MALRD1: variants seen among roughly 807,000 people sequenced by gnomAD.
MALRD1 encodes the protein MAM and LDL-receptor class A domain-containing protein 1.
In MALRD1, 247 loss-of-function variants were observed where a neutral mutation model predicts 242.1. The ratio of observed to expected loss-of-function variants is 1.02; its 90% confidence interval spans 0.92 to 1.13. The LOEUF (loss-of-function observed/expected upper bound fraction) is 1.13. Among genes scored for constraint, MALRD1 ranks in the 50% most tolerant of loss-of-function variants. The pLI, the probability that MALRD1 is intolerant of heterozygous loss-of-function variation, is 0.00. For missense variants in MALRD1, 2,989 were observed against 2,533.1 expected (o/e 1.18, Z -3.86); for synonymous variants, 995 against 866.6 (o/e 1.15, Z -2.60).
In MALRD1 at chr10:19,064,097, C is replaced by T. The variant is rs114497750; in HGVS notation, c.200-2622C>T. Among the ~76,000 whole-genome samples the T allele has an allele frequency of 2.0e-3, 309 of 152,202 alleles. 1 individual carries two copies. Among genetic ancestry groups the T allele is most frequent in the African/African-American group, 6.4e-3 (264 of 41,508 alleles). On this transcript the variant is annotated intron_variant, in intron 1 of 39. Transcript: ENST00000454679. The stretch of plus-strand genomic sequence containing the variant: ...TCAGGAGATAATTGCGGCTTCCAAG[C>T]AACCTTCCAATCCTCCCTCTGACTG...
At chr10:19,255,982 G>T (rs570723917) in intron 18 of MALRD1, among the ~76,000 whole-genome samples, 99 of 152,014 alleles carry the variant, frequency 6.5e-4, no homozygotes, top group African/African-American at 2.0e-3. Context: ...TGGAACAATT[G>T]ACTCCAAACA....
intron 29 of MALRD1, among the ~76,000 whole-genome samples, chr10:19,454,272 C>G (rs1835498860): frequency 6.6e-6 from 1 of 151,382 alleles, no homozygotes; most frequent in African/African-American, 2.4e-5. Context: ...AGTGACAAGA[C>G]TTGTGTATTA....
intron 35 of MALRD1, among the ~76,000 whole-genome samples, chr10:19,608,438 T>C (rs560230970): frequency 2.6e-5 from 4 of 152,208 alleles, no homozygotes; most frequent in Admixed American, 2.6e-4. Flanking sequence ...GTCATTATAC[T>C]TTTATCAAAA....
chr10:19,457,200 C>T (rs2131077352), intron 29 of MALRD1, among the ~76,000 whole-genome samples: 1 of 152,142 alleles, frequency 6.6e-6, no homozygotes, highest in South Asian at 2.1e-4. Flanking sequence ...ATGGAAACAG[C>T]CATATGTAGC....
chr10:19,325,190 T>G lies in MALRD1; in HGVS notation c.3576+1085T>G, dbSNP rs150424903. ...ATCAATGTGGACTCATAAGTTTCTA[T>G]TTTAGTCAATGTATTATAATCTATT... is the stretch of plus-strand genomic sequence containing the variant. On this transcript the variant is annotated intron_variant, in intron 22 of 39. Coordinates refer to ENST00000454679, the MANE Select transcript of MALRD1 (RefSeq NM_001142308.3). Among the ~76,000 whole-genome samples, 4 of 152,054 alleles carry G rather than the reference T, an allele frequency of 2.6e-5. No individual in the cohort carries two copies. The East Asian group carries it at 7.7e-4, about 29-fold the overall frequency.
rs77406643 is a variant in MALRD1, at chr10:19,495,380, T to A, written c.5159-3105T>A. 2.4e-3 allele frequency among the ~76,000 whole-genome samples: 363 copies of A among 151,114 alleles called. 6 individuals carry two copies. In the East Asian group the frequency reaches 0.05, roughly 21 times the overall value. On this transcript the variant is annotated intron_variant, in intron 30 of 39. Transcript: ENST00000454679. The stretch of plus-strand genomic sequence containing the variant: ...AAAGGGAACCTCATCAGACTAATAG[T>A]GAATCTTTCAGCAGTGAATCTTTTA...
At chr10:19,423,104 C>T (rs1833775286) in intron 28 of MALRD1, among the ~76,000 whole-genome samples, 1 of 152,112 alleles carries the variant, frequency 6.6e-6, no homozygotes, top group South Asian at 2.1e-4. Flanking sequence ...TGTGCTAATT[C>T]CAATTTAGCA....
intron 10 of MALRD1, among the ~76,000 whole-genome samples, chr10:19,142,859 C>A (rs1336621935): frequency 4.6e-5 from 7 of 152,152 alleles, no homozygotes; most frequent in African/African-American, 1.7e-4. Context: ...TTGAATTACA[C>A]AGGGGAGATA....
chr10:19,430,841 A>G (rs986728458), intron 28 of MALRD1, among the ~76,000 whole-genome samples: 2 of 152,202 alleles, frequency 1.3e-5, no homozygotes, highest in East Asian at 3.9e-4. Context: ...GTGTAAAACA[A>G]GCATAAATTT....
At chr10:19,294,433 T>C (rs1841597028) in intron 21 of MALRD1, among the ~76,000 whole-genome samples, 2 of 152,200 alleles carry the variant, frequency 1.3e-5, no homozygotes, top group Admixed American at 1.3e-4. Flanking sequence ...TGCAGATATA[T>C]CAATTACTCA....
chr10:19,645,277 G>T (rs774441769), intron 36 of MALRD1, among the ~76,000 whole-genome samples: 1 of 152,174 alleles, frequency 6.6e-6, no homozygotes. Flanking sequence ...TACACTGTTG[G>T]TGGGACTGTC....
intron 28 of MALRD1, among the ~76,000 whole-genome samples, chr10:19,430,399 G>A (rs1307018522): frequency 6.6e-6 from 1 of 151,852 alleles, no homozygotes; most frequent in Non-Finnish European, 1.5e-5. Context: ...ACAGGCATGA[G>A]CCACCATGCC....
rs183622814 is a variant in MALRD1, at chr10:19,643,317, G to A, written c.6137+27394G>A. ...AAAAATTAGGCGGACGTGGTGGCAGGTGCCTGTAATCCCAACTACTCAGGA... is the reference window on the plus strand; with the variant it reads ...AAAAATTAGGCGGACGTGGTGGCAGATGCCTGTAATCCCAACTACTCAGGA... On this transcript the variant is annotated intron_variant, in intron 36 of 39. Coordinates refer to ENST00000454679, the MANE Select transcript of MALRD1 (RefSeq NM_001142308.3). 2.3e-3 allele frequency among the ~76,000 whole-genome samples: 344 copies of A among 152,088 alleles called. 1 individual carries two copies. Among genetic ancestry groups the A allele is most frequent in the African/African-American group, 7.4e-3 (308 of 41,498 alleles).
chr10:19,190,606 G>T (rs1425750885), intron 14 of MALRD1, among the ~76,000 whole-genome samples: 1 of 150,634 alleles, frequency 6.6e-6, no homozygotes, highest in Non-Finnish European at 1.5e-5. Context: ...GTATAGATCA[G>T]TGGAATAGAT....
At chr10:19,586,604 C>T (rs1385589854) in intron 33 of MALRD1, among the ~76,000 whole-genome samples, 1 of 152,190 alleles carries the variant, frequency 6.6e-6, no homozygotes, top group Non-Finnish European at 1.5e-5. Context: ...TAGCTGTGTA[C>T]TGGGAGAACC....
intron 18 of MALRD1, among the ~76,000 whole-genome samples, chr10:19,256,187 A>G (rs1411183942): frequency 1.3e-5 from 2 of 152,024 alleles, no homozygotes; most frequent in African/African-American, 4.8e-5. Flanking sequence ...GTTTCTTCTA[A>G]GCAATTTGTT....
chr10:19,343,681 C>T (rs549028472), intron 24 of MALRD1, among the ~76,000 whole-genome samples: 1 of 152,218 alleles, frequency 6.6e-6, no homozygotes, highest in Non-Finnish European at 1.5e-5. Context: ...GTGTATAAAT[C>T]ACGTTTTCCT....
chr10:19,270,326 TCTCTCTCTCTCACACA>T (rs918214264), intron 19 of MALRD1, among the ~76,000 whole-genome samples: 52 of 88,508 alleles, frequency 5.9e-4, no homozygotes, highest in Non-Finnish European at 7.8e-4. Context: ...CTTCTCTCTC[TCTCTCTCTCTCACACA>T]CACACACACA....
At chr10:19,360,992 C>T (rs1379710867) in intron 26 of MALRD1, among the ~76,000 whole-genome samples, 3 of 151,880 alleles carry the variant, frequency 2.0e-5, no homozygotes, top group Non-Finnish European at 2.9e-5. Flanking sequence ...AAGTAAGCAC[C>T]ATTGCCTAAA....
Sources: gnomAD v4.1 joint callset for allele counts (sites outside exome capture counted in the v4.1 genomes callset) on GRCh38, gnomAD v4.1.1 for gene constraint, MANE v1.5 for transcripts, NCBI Gene and HGNC (gene_info 2026-07-23, HGNC 2026-07-21) for gene names.